ANXA11: variants seen among roughly 807,000 people sequenced by gnomAD.
The protein encoded by ANXA11 is 56 kDa autoantigen.
Under a neutral mutation model 64.7 loss-of-function variants are expected in ANXA11, and 57 were observed. The ratio of observed to expected loss-of-function variants is 0.88; its 90% CI spans 0.71 to 1.10. The LOEUF (loss-of-function observed/expected upper bound fraction) is 1.10. ANXA11 is among the 50% of genes least tolerant of loss of function. ANXA11 has a pLI of 0.00. For missense variants in ANXA11, 675 were observed against 670.7 expected, an observed-to-expected ratio of 1.01 and a Z score of -0.07; for synonymous variants, 260 against 265.2, an observed-to-expected ratio of 0.98 and a Z score of 0.19.
chr10:80,204,835 G>T (rs140179927), intron 1 of ANXA11: 1 of 152,352 alleles, frequency 6.6e-6, no homozygotes, highest in East Asian at 1.9e-4. Context: ...CAAATAAACT[G>T]CAATGGTAGC....
chr10:80,169,457 C>T, intron 4 of ANXA11, 99 bp from the exon 5 acceptor site: 3 of 1,381,846 alleles, frequency 2.2e-6, no homozygotes, highest in Non-Finnish European at 3.0e-6. Context: ...CTCACAGCAT[C>T]TCCGCTTGTG....
At chr10:80,188,121 C>G (rs554815059) in intron 1 of ANXA11, among the ~76,000 whole-genome samples, 1 of 151,976 alleles carries the variant, frequency 6.6e-6, no homozygotes, top group Admixed American at 6.6e-5. Context: ...GCTTCTACCA[C>G]CCCCAATTAC....
intron 1 of ANXA11, among the ~76,000 whole-genome samples, chr10:80,193,991 G>A (rs910469439): frequency 5.3e-5 from 8 of 151,842 alleles, no homozygotes; most frequent in African/African-American, 1.9e-4. Context: ...GCTAATTTCT[G>A]TATTTTTAGT....
chr10:80,156,949 A>G, intron 15 of ANXA11: 1 of 982,946 alleles, frequency 1.0e-6, no homozygotes, highest in Non-Finnish European at 1.2e-6. Flanking sequence ...TGCAAGGCTC[A>G]TGTGAGTTCA....
intron 1 of ANXA11, among the ~76,000 whole-genome samples, chr10:80,202,418 T>C (rs1840472615): frequency 2.6e-5 from 4 of 152,222 alleles, no homozygotes. Context: ...TCATGGGTTA[T>C]AGGAGATAGG....
chr10:80,183,492 T>C (rs939524421), intron 1 of ANXA11, among the ~76,000 whole-genome samples: 2 of 152,222 alleles, frequency 1.3e-5, no homozygotes, highest in Admixed American at 1.3e-4. Flanking sequence ...GGGATCATGT[T>C]CTAACTTCCT....
chr10:80,166,017 CATGCGCGCGT>C, intron 8 of ANXA11, 57 bp downstream of exon 8: 1 of 1,016,064 alleles, frequency 9.8e-7, no homozygotes, highest in Non-Finnish European at 1.5e-6. Context: ...TGTCCACACG[CATGCGCGCGT>C]GCGCACACAC....
At chr10:80,155,945 G>C in intron 15 of ANXA11, 33 bp from the exon 16 acceptor site, 1 of 1,602,772 alleles carries the variant, frequency 6.2e-7, no homozygotes, top group Non-Finnish European at 8.5e-7. Context: ...CATCCGTTAA[G>C]GGAGGGACAG....
intron 1 of ANXA11, among the ~76,000 whole-genome samples, chr10:80,183,174 G>A (rs372039361): frequency 9.2e-5 from 14 of 152,332 alleles, no homozygotes; most frequent in African/African-American, 3.4e-4. Context: ...GAGAGAGGGA[G>A]GCACCAGGCT....
Position 80,197,729 on chromosome 10 carries a change from T to A in ANXA11, c.-58+7614A>T, listed in dbSNP as rs527828918. ...CGAGGTCAGGAGATCGAGACCATCC[T>A]GGCTAACATGGTGAAACCCCGTCTC... On this transcript the variant is annotated intron_variant, in intron 1 of 15. Coordinates refer to ENST00000422982, the MANE Select transcript of ANXA11 (RefSeq NM_145868.2). Among the ~76,000 whole-genome samples, 31 of 152,296 alleles carry A rather than the reference T, an allele frequency of 2.0e-4. No individual in the cohort carries two copies. The South Asian group carries it at 6.4e-3, about 32-fold the overall frequency.
At position 80,151,225 on chromosome 10, in the gene ANXA11, T is replaced by C. The variant is rs1264783173; in HGVS notation, c.*4628A>G. 1.3e-5 allele frequency: 2 copies of C among 152,202 alleles called. No individual in the cohort carries two copies. The highest frequency in any genetic ancestry group is 2.9e-5 in the Non-Finnish European group (2 of 68,050). The allele number at this position is 152,202 out of a possible 1,614,324, so 9.4% of individuals were successfully genotyped here. A position where few individuals can be genotyped will look rare whatever the true frequency, so the allele number is the denominator to read the frequency against. ...TCAGGACTTCATCAGCTCTTAGTGT[T>C]GAGAAGGAGTCAGGCTCAAGCTAAA... On this transcript the variant is annotated 3_prime_UTR_variant, in exon 16 of 16. Transcript: ENST00000422982.
rs574139694 is a variant in ANXA11, at chr10:80,171,037, C to T, written c.56-122G>A. The T allele has an allele frequency of 2.2e-4, 336 of 1,523,420 alleles. No homozygotes were observed. The African/African-American group carries it at 3.8e-3, about 17-fold the overall frequency. 94.4% of individuals were successfully genotyped at this position (1,523,420 alleles called of 1,614,324 possible). A position where few individuals can be genotyped will look rare whatever the true frequency, so the allele number is the denominator to read the frequency against. On this transcript the variant is annotated intron_variant, in intron 3 of 15. Coordinates refer to ENST00000422982, the MANE Select transcript of ANXA11 (RefSeq NM_145868.2). ...CAGTAAAGCCTCGAGCCTCGAGCCTCGGGACACCACAGACCACATGAAAAC... is the reference window on the plus strand; with the variant it reads ...CAGTAAAGCCTCGAGCCTCGAGCCTTGGGACACCACAGACCACATGAAAAC...
At chr10:80,193,673 G>A (rs530746540) in intron 1 of ANXA11, among the ~76,000 whole-genome samples, 5 of 151,450 alleles carry the variant, frequency 3.3e-5, no homozygotes, top group South Asian at 2.1e-4. Flanking sequence ...TCAAAACCCC[G>A]TCTCTACTAA....
chr10:80,168,804 T>C (rs1257193391), intron 5 of ANXA11, among the ~76,000 whole-genome samples, 165 bp downstream of exon 5: 1 of 152,186 alleles, frequency 6.6e-6, no homozygotes, highest in Non-Finnish European at 1.5e-5. Flanking sequence ...CCCAAAGTGC[T>C]GGGATTACAG....
intron 13 of ANXA11, 48 bp downstream of exon 13, chr10:80,159,052 G>A (rs373798051): frequency 4.9e-6 from 7 of 1,423,554 alleles, no homozygotes; most frequent in East Asian, 4.5e-5. Flanking sequence ...GAACACTCAC[G>A]ATACACGTTA....
In ANXA11 at chr10:80,153,421, A is replaced by T. The variant is rs1169081345; in HGVS notation, c.*2432T>A. On this transcript the variant is annotated 3_prime_UTR_variant, in exon 16 of 16. Coordinates refer to ENST00000422982, the MANE Select transcript of ANXA11 (RefSeq NM_145868.2). ...AAAAACACTTTGGAAACCAAAGTAA[A>T]TGTGTCTGTAGGTGCAATATTGCCT... 6.6e-6 allele frequency: 1 copy of T among 152,254 alleles called. No individual in the cohort carries two copies. The highest frequency in any genetic ancestry group is 6.5e-5 in the Admixed American group (1 of 15,288). 9.4% of individuals were successfully genotyped at this position (152,254 alleles called of 1,614,324 possible). A position where few individuals can be genotyped will look rare whatever the true frequency, so the allele number is the denominator to read the frequency against.
rs2784774 is a variant in ANXA11, at chr10:80,161,797, T to C, written c.1180+138A>G. On this transcript the variant is annotated intron_variant, in intron 12 of 15. Coordinates refer to ENST00000422982, the MANE Select transcript of ANXA11 (RefSeq NM_145868.2). Reference sequence around the variant, plus strand: ...AACCCTCTGACAGTGTCTTTTAAATTCCCACCAGGGGGCTCTTTTGAGGAG... The same window carrying C: ...AACCCTCTGACAGTGTCTTTTAAATCCCCACCAGGGGGCTCTTTTGAGGAG... The C allele has an allele frequency of 0.94, 633,504 of 670,612 alleles. 299,407 individuals carry two copies. The highest frequency in any genetic ancestry group is 1 in the East Asian group (37,261 of 37,268). 41.5% of individuals were successfully genotyped at this position (670,612 alleles called of 1,614,324 possible). A position where few individuals can be genotyped will look rare whatever the true frequency, so the allele number is the denominator to read the frequency against.
At chr10:80,158,979 G>C in intron 13 of ANXA11, 121 bp downstream of exon 13, 3 of 743,170 alleles carry the variant, frequency 4.0e-6, no homozygotes, top group Non-Finnish European at 7.0e-6. Flanking sequence ...TGGGCTGAGC[G>C]ATCTTGGATC....
chr10:80,156,854 A>G (rs1589411790), intron 15 of ANXA11: 1 of 301,532 alleles, frequency 3.3e-6, no homozygotes, highest in Non-Finnish European at 4.9e-6. Flanking sequence ...CCAAGGAAAC[A>G]CAGTGAGTTT....
Sources: allele counts gnomAD v4.1 joint callset (sites outside exome capture counted in the v4.1 genomes callset), GRCh38; gene constraint gnomAD v4.1.1; transcripts MANE v1.5; gene names NCBI Gene and HGNC (gene_info 2026-07-23, HGNC 2026-07-21).